ARHGAP26: variants seen among roughly 807,000 people sequenced by gnomAD.
ARHGAP26 encodes Rho GTPase activating protein 26.
A neutral mutation model predicts 104.8 loss-of-function variants in ARHGAP26; 38 were observed. The ratio of observed to expected loss-of-function variants is 0.36; its 90% confidence interval spans 0.28 to 0.48. The LOEUF is 0.48. ARHGAP26 is among the 20% of genes least tolerant of loss of function. The pLI is 0.99. For synonymous variants in ARHGAP26, 341 were observed against 340.0 expected (o/e 1.00, Z -0.03); for missense variants, 704 against 947.9 (o/e 0.74, Z 3.38).
chr5:143,125,212 A>G (rs1269802526), intron 18 of ARHGAP26, among the ~76,000 whole-genome samples: 1 of 152,234 alleles, frequency 6.6e-6, no homozygotes, highest in Non-Finnish European at 1.5e-5. Context: ...TAGCTAAGGC[A>G]TACAATCTTT....
chr5:143,066,338 T>C (rs1045273363), intron 17 of ARHGAP26, among the ~76,000 whole-genome samples: 13 of 152,376 alleles, frequency 8.5e-5, no homozygotes, highest in African/African-American at 3.1e-4. Flanking sequence ...AATGACATAT[T>C]TCTCAGCATA....
At chr5:142,785,173 G>A (rs779615120) in intron 1 of ARHGAP26, among the ~76,000 whole-genome samples, 3 of 151,520 alleles carry the variant, frequency 2.0e-5, no homozygotes, top group South Asian at 2.1e-4. Context: ...CTCGTGATCC[G>A]CCCACCTCGG....
chr5:143,207,583 A>G lies in ARHGAP26; in HGVS notation c.2099+275A>G, dbSNP rs931267412. The G allele has an allele frequency of 3.1e-5, 41 of 1,318,710 alleles. No individual in the cohort carries two copies. In the African/African-American group the frequency reaches 4.6e-4, roughly 15 times the overall value. The allele number at this position is 1,318,710 out of a possible 1,614,324, so 81.7% of individuals were successfully genotyped here. A position where few individuals can be genotyped will look rare whatever the true frequency, so the allele number is the denominator to read the frequency against. On this transcript the variant is annotated intron_variant, in intron 21 of 22. Transcript: ENST00000645722. ...GTTCCATCCTAAGAGACCAGAGCTA[A>G]AAGGGACCATTTGCATGAATCAGCA...
At chr5:143,040,002 A>T (rs530378750) in intron 13 of ARHGAP26, among the ~76,000 whole-genome samples, 9 of 152,226 alleles carry the variant, frequency 5.9e-5, no homozygotes, top group Non-Finnish European at 8.8e-5. Flanking sequence ...CAGTGTGTGT[A>T]TGTGCATACG....
intron 17 of ARHGAP26, among the ~76,000 whole-genome samples, chr5:143,080,176 AC>A (rs1789597757): frequency 6.6e-6 from 1 of 152,138 alleles, no homozygotes; most frequent in East Asian, 1.9e-4. Context: ...CCTATTATAT[AC>A]CAAGTGCTAT....
At chr5:142,975,365 A>C (rs965625750) in intron 11 of ARHGAP26, among the ~76,000 whole-genome samples, 1 of 149,118 alleles carries the variant, frequency 6.7e-6, no homozygotes, top group African/African-American at 2.5e-5. Context: ...CCTTTCTCCC[A>C]GCTTCTTCCA....
Position 143,228,503 on chromosome 5 carries a change from G to A in ARHGAP26, c.*6057G>A, listed in dbSNP as rs940448136. 3.2e-5 allele frequency: 7 copies of A among 219,176 alleles called. No individual in the cohort carries two copies. Among genetic ancestry groups the A allele is most frequent in the Admixed American group, 1.7e-4 (3 of 17,324 alleles). The allele number at this position is 219,176 out of a possible 1,614,324, so 13.6% of individuals were successfully genotyped here. ...TTGTTAACTTACTTAAAGTCATGTC[G>A]CAAGAAAGATCAAACCCATGAATGC... On this transcript the variant is annotated 3_prime_UTR_variant, in exon 23 of 23. Transcript: ENST00000645722.
chr5:143,140,548 A>G (rs1283184915), intron 19 of ARHGAP26, among the ~76,000 whole-genome samples: 1 of 152,360 alleles, frequency 6.6e-6, no homozygotes, highest in South Asian at 2.1e-4. Flanking sequence ...AGCTACAATT[A>G]TGATGATTAT....
intron 22 of ARHGAP26, 98 bp downstream of exon 22, chr5:143,214,186 T>G: frequency 1.3e-6 from 1 of 785,562 alleles, no homozygotes; most frequent in Non-Finnish European, 2.1e-6. Context: ...CGAGGGAAAA[T>G]CTCAATACAA....
At chr5:142,780,837 CG>C (rs1435170322) in intron 1 of ARHGAP26, among the ~76,000 whole-genome samples, 1 of 152,174 alleles carries the variant, frequency 6.6e-6, no homozygotes, top group Non-Finnish European at 1.5e-5. Flanking sequence ...AGAAGCTTCC[CG>C]GTGGGCACTG....
At chr5:143,213,975 A>T (rs757487221) in intron 21 of ARHGAP26, 22 bp from the exon 22 acceptor site, 1 of 1,515,560 alleles carries the variant, frequency 6.6e-7, no homozygotes, top group South Asian at 1.2e-5. Flanking sequence ...AAAATGTTAA[A>T]TAAACTCCTG....
At chr5:142,853,079 C>T (rs1334447916) in intron 1 of ARHGAP26, among the ~76,000 whole-genome samples, 1 of 152,222 alleles carries the variant, frequency 6.6e-6, no homozygotes, top group African/African-American at 2.4e-5. Context: ...AGAGCAGTGT[C>T]AGCTGATTCT....
chr5:143,154,762 A>G (rs1463410011), intron 20 of ARHGAP26, among the ~76,000 whole-genome samples: 2 of 152,236 alleles, frequency 1.3e-5, no homozygotes, highest in African/African-American at 2.4e-5. Context: ...CCCACAGGGT[A>G]CCTGATAATT....
intron 10 of ARHGAP26, among the ~76,000 whole-genome samples, chr5:142,926,565 G>A (rs1763933221): frequency 1.3e-5 from 2 of 152,140 alleles, no homozygotes; most frequent in Non-Finnish European, 2.9e-5. Context: ...GTTATCAGAT[G>A]TTAATTTTAA....
chr5:142,781,744 C>G (rs1180820290), intron 1 of ARHGAP26, among the ~76,000 whole-genome samples: 1 of 152,168 alleles, frequency 6.6e-6, no homozygotes, highest in Non-Finnish European at 1.5e-5. Flanking sequence ...TGGAGTCTCT[C>G]TCTGTTGCCC....
intron 11 of ARHGAP26, among the ~76,000 whole-genome samples, chr5:143,008,294 G>T (rs1485263619): frequency 6.6e-6 from 1 of 152,204 alleles, no homozygotes; most frequent in Non-Finnish European, 1.5e-5. Flanking sequence ...AAACAGTAAA[G>T]TTGGACTTTG....
At position 142,853,271 on chromosome 5, in the gene ARHGAP26, G is replaced by A. The variant is rs368201907; in HGVS notation, c.155-20129G>A. Among the ~76,000 whole-genome samples the A allele has an allele frequency of 4.0e-4, 61 of 152,082 alleles. No homozygotes were observed. In the South Asian group the frequency reaches 0.011, roughly 27 times the overall value. On this transcript the variant is annotated intron_variant, in intron 1 of 22. Coordinates refer to ENST00000645722, the MANE Select transcript of ARHGAP26 (RefSeq NM_001135608.3). ...ACCATCTTGGCTCACTGCAACCTCC[G>A]CCTCCTGGGCTCAAGTGATCCCCCT... is the stretch of plus-strand genomic sequence containing the variant.
At chr5:142,939,437 G>A (rs755040209) in intron 11 of ARHGAP26, among the ~76,000 whole-genome samples, 4 of 152,140 alleles carry the variant, frequency 2.6e-5, no homozygotes, top group East Asian at 3.9e-4. Flanking sequence ...TTCTGTTTTC[G>A]TCTTTGTGGA....
intron 17 of ARHGAP26, among the ~76,000 whole-genome samples, chr5:143,085,990 T>A (rs557762409): frequency 1.6e-4 from 25 of 152,350 alleles, no homozygotes; most frequent in African/African-American, 6.0e-4. Flanking sequence ...TAATAATTTT[T>A]TTCACAAAGA....
Sources: gnomAD v4.1 joint callset for allele counts (sites outside exome capture counted in the v4.1 genomes callset) on GRCh38, gnomAD v4.1.1 for gene constraint, MANE v1.5 for transcripts, NCBI Gene and HGNC (gene_info 2026-07-23, HGNC 2026-07-21) for gene names.